SERBP1: variants seen among roughly 807,000 people sequenced by gnomAD.
SERBP1 encodes SERPINE1 mRNA binding protein 1.
A neutral mutation model predicts 50.2 loss-of-function variants in SERBP1; 6 were observed. That is an observed-to-expected ratio of 0.12 (90% CI 0.07 to 0.24). The LOEUF is 0.24. SERBP1 is among the 10% of genes least tolerant of loss of function. SERBP1 has a pLI of 1.00. For missense variants in SERBP1, 346 were observed against 524.9 expected (o/e 0.66, Z 3.33); for synonymous variants, 168 against 182.8 (o/e 0.92, Z 0.65).
chr1:67,421,508 T>C (rs12742136), intron 5 of SERBP1, among the ~76,000 whole-genome samples: 2,859 of 152,338 alleles, frequency 0.019, 40 homozygotes, highest in Non-Finnish European at 0.029. Flanking sequence ...TCTAATGTGA[T>C]GGATAATTAT....
intron 2 of SERBP1, among the ~76,000 whole-genome samples, chr1:67,425,479 T>C (rs190128169): frequency 6.6e-6 from 1 of 152,234 alleles, no homozygotes; most frequent in African/African-American, 2.4e-5. Flanking sequence ...CTGCTATTCA[T>C]TGCACATATA....
Position 67,411,902 on chromosome 1 carries a change from T to G in SERBP1, c.*1305A>C, listed in dbSNP as rs774054300. 4.6e-5 allele frequency: 7 copies of G among 152,346 alleles called. No individual in the cohort carries two copies. Among genetic ancestry groups the G allele is most frequent in the African/African-American group, 9.6e-5 (4 of 41,458 alleles). The allele number at this position is 152,346 out of a possible 1,614,324, so 9.4% of individuals were successfully genotyped here. A position where few individuals can be genotyped will look rare whatever the true frequency, so the allele number is the denominator to read the frequency against. On this transcript the variant is annotated 3_prime_UTR_variant, in exon 8 of 8. Transcript: ENST00000361219. ...ATCATTCTATGTGTGTTTTAATAAG[T>G]GGTGATGCTCCCATTATAGGAATCC... is the stretch of plus-strand genomic sequence containing the variant.
intron 6 of SERBP1, among the ~76,000 whole-genome samples, chr1:67,416,914 G>T (rs1201190445): frequency 6.6e-6 from 1 of 152,152 alleles, no homozygotes; most frequent in African/African-American, 2.4e-5. Context: ...TCAATTTATT[G>T]CAAACCACAG....
At position 67,411,906 on chromosome 1, in the gene SERBP1, G is replaced by A. The variant is rs1388743452; in HGVS notation, c.*1301C>T. 1 of 152,302 alleles carries A rather than the reference G, an allele frequency of 6.6e-6. No individual in the cohort carries two copies. Among genetic ancestry groups the A allele is most frequent in the African/African-American group, 2.4e-5 (1 of 41,428 alleles). The allele number at this position is 152,302 out of a possible 1,614,324, so 9.4% of individuals were successfully genotyped here. On this transcript the variant is annotated 3_prime_UTR_variant, in exon 8 of 8. Transcript: ENST00000361219. ...TTCTATGTGTGTTTTAATAAGTGGT[G>A]ATGCTCCCATTATAGGAATCCATTA...
chr1:67,417,186 C>T (rs1046945031), intron 6 of SERBP1: 1 of 152,100 alleles, frequency 6.6e-6, no homozygotes, highest in Non-Finnish European at 1.5e-5. Context: ...AGAGCAAGAC[C>T]TTGTCTCAAA....
chr1:67,418,338 T>G (rs888350608), intron 6 of SERBP1, among the ~76,000 whole-genome samples: 2 of 152,182 alleles, frequency 1.3e-5, no homozygotes, highest in African/African-American at 4.8e-5. Flanking sequence ...TGTCCTCATT[T>G]ACTACTCATA....
chr1:67,411,831 TA>T lies in SERBP1; in HGVS notation c.*1375del, dbSNP rs1666854547. 5.9e-5 allele frequency: 9 copies of T among 152,186 alleles called. No individual in the cohort carries two copies. Among genetic ancestry groups the T allele is most frequent in the Admixed American group, 5.9e-4 (9 of 15,278 alleles). 9.4% of individuals were successfully genotyped at this position (152,186 alleles called of 1,614,324 possible). On this transcript the variant is annotated 3_prime_UTR_variant, in exon 8 of 8. Coordinates refer to ENST00000361219, the MANE Select transcript of SERBP1 (RefSeq NM_001018069.2). ...TAAAAATTCCTTCACTGTTTATCAA[TA>T]AATGTGGCAGAATAAAAGACAATCC...
At chr1:67,416,208 TCA>T (rs1667006722) in intron 6 of SERBP1, among the ~76,000 whole-genome samples, 1 of 152,290 alleles carries the variant, frequency 6.6e-6, no homozygotes, top group Admixed American at 6.5e-5. Flanking sequence ...AGACAGGTTT[TCA>T]CAGTGTTGCT....
At chr1:67,418,888 TAAATC>T (rs1161024140) in intron 6 of SERBP1, among the ~76,000 whole-genome samples, 1 of 152,168 alleles carries the variant, frequency 6.6e-6, no homozygotes, top group Non-Finnish European at 1.5e-5. Flanking sequence ...ATGATATGAA[TAAATC>T]AAACACAAAT....
chr1:67,417,981 T>TG (rs1423202314), intron 6 of SERBP1, among the ~76,000 whole-genome samples: 4 of 139,596 alleles, frequency 2.9e-5, no homozygotes, highest in African/African-American at 8.0e-5. Flanking sequence ...GTTTTTTTTT[T>TG]TTTTTTTTTT....
chr1:67,408,417 C>T lies in SERBP1; in HGVS notation c.*4790G>A. ...ACTGATTTAAAACAGTATATACATA[C>T]TAACTCAAAAAAATAATTCGGTAAA... On this transcript the variant is annotated 3_prime_UTR_variant, in exon 8 of 8. Transcript: ENST00000361219. 6.6e-6 allele frequency: 1 copy of T among 152,128 alleles called. No individual in the cohort carries two copies. Among genetic ancestry groups the T allele is most frequent in the East Asian group, 1.9e-4 (1 of 5,200 alleles). 9.4% of individuals were successfully genotyped at this position (152,128 alleles called of 1,614,324 possible). A position where few individuals can be genotyped will look rare whatever the true frequency, so the allele number is the denominator to read the frequency against.
rs1207960447 is a variant in SERBP1 at position 67,410,546 on chromosome 1, TAAAG to T, written c.*2657_*2660del. 1.3e-5 allele frequency: 2 copies of T among 152,138 alleles called. No individual in the cohort carries two copies. Among genetic ancestry groups the T allele is most frequent in the African/African-American group, 2.4e-5 (1 of 41,428 alleles). The allele number at this position is 152,138 out of a possible 1,614,324, so 9.4% of individuals were successfully genotyped here. Reference sequence around the variant, plus strand: ...ACTCCACAGGTCTCAAAATAGCTAATAAAGAAACCATGTCTCCAATCATTTCAAT... The same window carrying T: ...ACTCCACAGGTCTCAAAATAGCTAATAAACCATGTCTCCAATCATTTCAAT... On this transcript the variant is annotated 3_prime_UTR_variant, in exon 8 of 8. Transcript: ENST00000361219.
rs916799513 is a variant in SERBP1, at chr1:67,412,560, T to C, written c.*647A>G. 3 of 152,664 alleles carry C rather than the reference T, an allele frequency of 2.0e-5. No homozygotes were observed. The highest frequency in any genetic ancestry group is 2.1e-4 in the South Asian group (1 of 4,834). 9.5% of individuals were successfully genotyped at this position (152,664 alleles called of 1,614,324 possible). ...CAAGGGTTAATAAACCAAATGTGCT[T>C]TGAATTTGTTCAAGTACTGATATTT... On this transcript the variant is annotated 3_prime_UTR_variant, in exon 8 of 8. Coordinates refer to ENST00000361219, the MANE Select transcript of SERBP1 (RefSeq NM_001018069.2).
chr1:67,428,340 G>A lies in SERBP1; in HGVS notation c.313+1648C>T, dbSNP rs567207237. The stretch of plus-strand genomic sequence containing the variant: ...ACTTAAAATACTACTTTTCAGGTAA[G>A]AGCTTATTTCATAGATGGGCTTCAT... On this transcript the variant is annotated intron_variant, in intron 1 of 7. Transcript: ENST00000361219. 7.2e-5 allele frequency among the ~76,000 whole-genome samples: 11 copies of A among 152,318 alleles called. No homozygotes were observed. In the South Asian group the frequency reaches 1.7e-3, roughly 23 times the overall value.
At chr1:67,425,948 C>G (rs1325267531) in intron 2 of SERBP1, among the ~76,000 whole-genome samples, 187 bp downstream of exon 2, 1 of 152,110 alleles carries the variant, frequency 6.6e-6, no homozygotes, top group Non-Finnish European at 1.5e-5. Context: ...AGTGAGACCT[C>G]AGCTCTACAA....
intron 6 of SERBP1, 137 bp from the exon 7 acceptor site, chr1:67,415,476 C>A: frequency 1.3e-6 from 1 of 772,134 alleles, no homozygotes; most frequent in Non-Finnish European, 2.0e-6. Context: ...AATGCCTCCA[C>A]AGGTAACAAG....
intron 6 of SERBP1, among the ~76,000 whole-genome samples, chr1:67,418,403 A>C (rs2100421940): frequency 6.6e-6 from 1 of 152,246 alleles, no homozygotes; most frequent in East Asian, 1.9e-4. Context: ...AATCTTTTTA[A>C]CCTCCATTTT....
intron 5 of SERBP1, among the ~76,000 whole-genome samples, chr1:67,423,893 CTTTT>C (rs1667286138): frequency 6.6e-6 from 1 of 151,522 alleles, no homozygotes; most frequent in Non-Finnish European, 1.5e-5. Context: ...ATAAACCACT[CTTTT>C]AAGGGCTGGG....
Position 67,415,356 on chromosome 1 carries a change from A to G in SERBP1, c.952-17T>C, listed in dbSNP as rs780994422. On this transcript the variant is annotated splice_polypyrimidine_tract_variant and intron_variant, in intron 6 of 7. Transcript: ENST00000361219. Reference sequence around the variant, plus strand: ...AGCATGAGCCTAAAAATATAAGTGAAGATGATTGTGTTATTAGTAGAAAAG... The same window carrying G: ...AGCATGAGCCTAAAAATATAAGTGAGGATGATTGTGTTATTAGTAGAAAAG... The G allele has an allele frequency of 9.0e-6, 14 of 1,548,050 alleles. No homozygotes were observed. The South Asian group carries it at 1.7e-4, about 19-fold the overall frequency.
Sources: allele counts gnomAD v4.1 joint callset (sites outside exome capture counted in the v4.1 genomes callset), GRCh38; gene constraint gnomAD v4.1.1; transcripts MANE v1.5; gene names NCBI Gene and HGNC (gene_info 2026-07-23, HGNC 2026-07-21).